Variants in IMMP2L observed in about 807,000 individuals in gnomAD.
IMMP2L encodes mitochondrial inner membrane protease subunit 2.
IMMP2L carries 18 observed loss-of-function variants against 19.3 expected under a neutral mutation model. That is an observed-to-expected ratio of 0.93 (90% CI 0.64 to 1.38). The LOEUF (loss-of-function observed/expected upper bound fraction) is 1.38. IMMP2L is among the 40% of genes most tolerant of loss of function. The probability of loss-of-function intolerance (pLI) is 0.00; values close to 1 mark genes in which losing one functional copy is unlikely to be tolerated. For synonymous variants in IMMP2L, 76 were observed against 73.0 expected, an observed-to-expected ratio of 1.04 and a Z score of -0.21; for missense variants, 233 against 218.2, an observed-to-expected ratio of 1.07 and a Z score of -0.43.
chr7:111,087,214 C>T (rs1796418435), intron 3 of IMMP2L, among the ~76,000 whole-genome samples: 1 of 152,144 alleles, frequency 6.6e-6, no homozygotes, highest in Admixed American at 6.5e-5. Flanking sequence ...CTTTGGGAGG[C>T]TGTGGCGGGC....
intron 3 of IMMP2L, among the ~76,000 whole-genome samples, chr7:111,210,008 G>A (rs1009078010): frequency 2.0e-5 from 3 of 152,146 alleles, no homozygotes; most frequent in Admixed American, 1.3e-4. Context: ...GTTCTTTGCC[G>A]AGAGTGAATA....
chr7:111,148,712 A>G (rs1586574325), intron 3 of IMMP2L, among the ~76,000 whole-genome samples: 1 of 152,056 alleles, frequency 6.6e-6, no homozygotes, highest in East Asian at 1.9e-4. Context: ...TTCTGGGAGT[A>G]TAATCTCACA....
chr7:110,852,747 A>T (rs1267445880), intron 5 of IMMP2L, among the ~76,000 whole-genome samples: 4 of 152,074 alleles, frequency 2.6e-5, no homozygotes, highest in African/African-American at 9.7e-5. Context: ...TGAAATATTC[A>T]TGGAGAATTG....
rs138500698 is a variant in IMMP2L, at chr7:111,232,919, T to C, written c.239+254319A>G. ...CAGAGTCAGCTCCTCTGGAAAGGAGTTACCTTCCTCCTCAGGCAGCATTAA... is the reference window on the plus strand; with the variant it reads ...CAGAGTCAGCTCCTCTGGAAAGGAGCTACCTTCCTCCTCAGGCAGCATTAA... On this transcript the variant is annotated intron_variant, in intron 3 of 5. Coordinates refer to ENST00000405709, the MANE Select transcript of IMMP2L (RefSeq NM_032549.4). 2.8e-3 allele frequency among the ~76,000 whole-genome samples: 427 copies of C among 152,080 alleles called. 2 individuals are homozygous for C. Among genetic ancestry groups the C allele is most frequent in the African/African-American group, 9.0e-3 (375 of 41,482 alleles).
intron 5 of IMMP2L, among the ~76,000 whole-genome samples, chr7:110,700,762 CCA>C (rs1421857057): frequency 6.6e-6 from 1 of 152,112 alleles, no homozygotes; most frequent in Non-Finnish European, 1.5e-5. Context: ...CATTTCAAAA[CCA>C]AAACAGAACT....
At chr7:111,361,193 G>A (rs918633290) in intron 3 of IMMP2L, among the ~76,000 whole-genome samples, 5 of 152,122 alleles carry the variant, frequency 3.3e-5, no homozygotes, top group Admixed American at 2.6e-4. Context: ...CCTTCCTATT[G>A]CTGTAGTAGA....
chr7:110,789,822 A>C (rs1800341632), intron 5 of IMMP2L, among the ~76,000 whole-genome samples: 1 of 151,198 alleles, frequency 6.6e-6, no homozygotes, highest in Non-Finnish European at 1.5e-5. Flanking sequence ...GGGCCTTTGC[A>C]TTTTCTATTC....
chr7:111,122,956 A>T, intron 3 of IMMP2L: 1 of 1,614,020 alleles, frequency 6.2e-7, no homozygotes, highest in Non-Finnish European at 8.5e-7. Context: ...AGGTCTTTTA[A>T]CTTTCCCAGC....
chr7:111,463,994 T>C (rs1427789517), intron 3 of IMMP2L, among the ~76,000 whole-genome samples: 1 of 152,192 alleles, frequency 6.6e-6, no homozygotes, highest in East Asian at 1.9e-4. Context: ...ATACATTTGC[T>C]ACTGTTTTGC....
At chr7:111,424,486 T>C (rs1314868384) in intron 3 of IMMP2L, among the ~76,000 whole-genome samples, 9 of 151,812 alleles carry the variant, frequency 5.9e-5, no homozygotes, top group Admixed American at 5.9e-4. Context: ...TTTTTAGATA[T>C]TACTCGTGAC....
chr7:111,010,996 A>G (rs971871825), intron 3 of IMMP2L, among the ~76,000 whole-genome samples: 1 of 151,878 alleles, frequency 6.6e-6, no homozygotes, highest in African/African-American at 2.4e-5. Flanking sequence ...CCAGCATGCG[A>G]TGAGTCAGGT....
At chr7:110,913,944 A>T (rs1813318635) in intron 4 of IMMP2L, among the ~76,000 whole-genome samples, 1 of 152,158 alleles carries the variant, frequency 6.6e-6, no homozygotes, top group South Asian at 2.1e-4. Context: ...AAGTTTTCTC[A>T]GGTGTTTTTT....
chr7:111,483,278 G>A (rs713392), intron 3 of IMMP2L, among the ~76,000 whole-genome samples: 13,790 of 152,154 alleles, frequency 0.091, 774 homozygotes, highest in African/African-American at 0.14. Context: ...CCTCTGTCCC[G>A]ATGGACTTGT....
intron 3 of IMMP2L, among the ~76,000 whole-genome samples, chr7:111,283,697 C>A (rs1272750765): frequency 6.6e-6 from 1 of 152,008 alleles, no homozygotes; most frequent in Non-Finnish European, 1.5e-5. Flanking sequence ...ATTGGCCGGG[C>A]GCGGTGGCTC....
intron 3 of IMMP2L, among the ~76,000 whole-genome samples, chr7:111,256,620 G>T (rs944689592): frequency 1.3e-5 from 2 of 151,974 alleles, no homozygotes; most frequent in African/African-American, 4.8e-5. Flanking sequence ...TATGTCCATT[G>T]TTCATAGAGG....
chr7:111,164,047 T>C (rs929709667), intron 3 of IMMP2L, among the ~76,000 whole-genome samples: 8 of 140,516 alleles, frequency 5.7e-5, no homozygotes, highest in Admixed American at 1.6e-4. Context: ...AACAGAACAC[T>C]GGTAAAGGCA....
intron 3 of IMMP2L, among the ~76,000 whole-genome samples, chr7:111,472,980 T>C (rs1476072750): frequency 2.0e-5 from 3 of 152,068 alleles, no homozygotes; most frequent in African/African-American, 7.2e-5. Context: ...AAAATAGTGC[T>C]GATAAAAATG....
chr7:110,853,874 A>G (rs1806486148), intron 5 of IMMP2L, among the ~76,000 whole-genome samples: 1 of 152,018 alleles, frequency 6.6e-6, no homozygotes, highest in African/African-American at 2.4e-5. Context: ...CCTATAGTTC[A>G]TTGGACTATG....
intron 4 of IMMP2L, among the ~76,000 whole-genome samples, chr7:110,931,114 T>C (rs1360148756): frequency 6.6e-6 from 1 of 152,088 alleles, no homozygotes; most frequent in African/African-American, 2.4e-5. Flanking sequence ...TAACTATGGA[T>C]GGTGGAAAGG....
Sources: gnomAD v4.1 joint callset for allele counts (sites outside exome capture counted in the v4.1 genomes callset) on GRCh38, gnomAD v4.1.1 for gene constraint, MANE v1.5 for transcripts, NCBI Gene and HGNC (gene_info 2026-07-23, HGNC 2026-07-21) for gene names.